Variants in DIP2C observed in about 807,000 individuals in gnomAD.
DIP2C encodes the protein disco-interacting protein 2 homolog C.
In DIP2C, 33 loss-of-function variants were observed where a neutral mutation model predicts 192.4. The observed-to-expected ratio is 0.17, with a 90% CI of 0.13 to 0.23. The LOEUF (loss-of-function observed/expected upper bound fraction) is 0.23, where lower values mean the gene tolerates loss of function less well. DIP2C is among the 10% of genes least tolerant of loss of function. The pLI is 1.00. For synonymous variants in DIP2C, 979 were observed against 864.1 expected (o/e 1.13, Z -2.33); for missense variants, 1,537 against 2,110.1 (o/e 0.73, Z 5.32).
intron 1 of DIP2C, among the ~76,000 whole-genome samples, chr10:496,127 C>CT (rs1293285503): frequency 5.1e-5 from 7 of 137,264 alleles, no homozygotes; most frequent in African/African-American, 1.9e-4. Context: ...CTCTACATTA[C>CT]TCTCAATACC....
chr10:396,474 A>C (rs1963994213), intron 10 of DIP2C, among the ~76,000 whole-genome samples: 1 of 152,204 alleles, frequency 6.6e-6, no homozygotes, highest in Non-Finnish European at 1.5e-5. Context: ...TGTTACGAAT[A>C]ACAATGATAA....
chr10:649,196 C>G (rs557133405), intron 1 of DIP2C, among the ~76,000 whole-genome samples: 2 of 123,936 alleles, frequency 1.6e-5, no homozygotes, highest in East Asian at 2.5e-4. Flanking sequence ...CCACATTTGA[C>G]GGTGGGAGAG....
chr10:495,760 G>T (rs985448386), intron 1 of DIP2C, among the ~76,000 whole-genome samples: 6 of 149,362 alleles, frequency 4.0e-5, no homozygotes, highest in African/African-American at 1.2e-4. Flanking sequence ...ACCCCAATGT[G>T]ACTGCTGAGT....
chr10:327,063 G>T lies in DIP2C; in HGVS notation c.3867C>A (p.His1289Gln). ...CGAACGAGGTGCTGACGGCCCGCGGGTGAAGGCCCAGGTCCTTAAACAGCT... is the reference window on the plus strand; with the variant it reads ...CGAACGAGGTGCTGACGGCCCGCGGTTGAAGGCCCAGGTCCTTAAACAGCT... ...FSKLFKDLGL[H>Q]PRAVSTSFGC... The change falls in exon 31 of 37, where the codon CAC becomes CAA. Residue 1289 changes from histidine to glutamine, a missense_variant. Physicochemically the swap from His to Gln is conservative, Grantham distance 24. This residue lies in a region of DIP2C where 341 missense variants were observed against 551.7 expected (regional missense o/e 0.62). Transcript: ENST00000280886. 6.2e-7 allele frequency: 1 copy of T among 1,614,220 alleles called. No individual in the cohort carries two copies. The highest frequency in any genetic ancestry group is 8.5e-7 in the Non-Finnish European group (1 of 1,180,042).
At chr10:535,237 TGAGCTG>T (rs1180691143) in intron 1 of DIP2C, among the ~76,000 whole-genome samples, 1 of 152,078 alleles carries the variant, frequency 6.6e-6, no homozygotes, top group African/African-American at 2.4e-5. Context: ...AGGCGTGGGC[TGAGCTG>T]GAGCTGAACT....
chr10:430,100 G>A (rs1242048703), intron 4 of DIP2C: 2 of 152,192 alleles, frequency 1.3e-5, no homozygotes, highest in African/African-American at 4.8e-5. Context: ...GTATAGTGGT[G>A]TCTTACTGTT....
chr10:617,257 TGGG>T (rs1160771233), intron 1 of DIP2C, among the ~76,000 whole-genome samples: 1 of 141,684 alleles, frequency 7.1e-6, no homozygotes, highest in African/African-American at 2.6e-5. Context: ...TCTACAAACT[TGGG>T]GGACTGCAAA....
intron 2 of DIP2C, chr10:484,810 C>T: frequency 6.2e-7 from 1 of 1,611,468 alleles, no homozygotes; most frequent in Non-Finnish European, 8.5e-7. Flanking sequence ...AGGCCGGTTC[C>T]CTGCGGTGCT....
At position 366,326 on chromosome 10, in the gene DIP2C, C is replaced by T. The variant is rs756845585; in HGVS notation, c.2217G>A (p.Ala739=). ...EIGELCVCAV[A]TGTSYYGLSG... ...AGAGGCCATAGTAGGACGTGCCCGT[C>T]GCAACTGCACACACACACAGCTCCC... is the stretch of plus-strand genomic sequence containing the variant. Residue 739 remains alanine (A), a synonymous_variant, in exon 19 of 37, where the codon GCG becomes GCA. Coordinates refer to ENST00000280886, the MANE Select transcript of DIP2C (RefSeq NM_014974.3). The T allele has an allele frequency of 3.2e-5, 51 of 1,613,946 alleles. No individual in the cohort carries two copies. The highest frequency in any genetic ancestry group is 1.6e-4 in the Middle Eastern group (1 of 6,084).
intron 1 of DIP2C, among the ~76,000 whole-genome samples, chr10:557,208 G>A (rs538161003): frequency 3.9e-5 from 6 of 152,338 alleles, no homozygotes; most frequent in African/African-American, 1.4e-4. Flanking sequence ...CCGGTGTGGA[G>A]GACCAGGCCT....
At chr10:471,977 G>A (rs886838976) in intron 3 of DIP2C, among the ~76,000 whole-genome samples, 2 of 152,058 alleles carry the variant, frequency 1.3e-5, no homozygotes, top group African/African-American at 4.8e-5. Context: ...AGGTGGCACT[G>A]GCAACTCAGT....
At chr10:507,662 A>G (rs1845709855) in intron 1 of DIP2C, among the ~76,000 whole-genome samples, 1 of 152,200 alleles carries the variant, frequency 6.6e-6, no homozygotes, top group Non-Finnish European at 1.5e-5. Context: ...ATTTCCCAAA[A>G]GCTCGTCCGT....
At chr10:278,063 C>T (rs951413971) in intron 36 of DIP2C, among the ~76,000 whole-genome samples, 8 of 148,738 alleles carry the variant, frequency 5.4e-5, no homozygotes, top group Admixed American at 2.0e-4. Flanking sequence ...TCTGTCTGTG[C>T]GGTGGCCCCG....
intron 14 of DIP2C, among the ~76,000 whole-genome samples, chr10:385,552 G>A (rs138348531): frequency 1.7e-4 from 26 of 152,234 alleles, no homozygotes; most frequent in African/African-American, 5.5e-4. Flanking sequence ...GCTCTGAATC[G>A]CAGGGCTAGG....
At chr10:335,180 G>A (rs1358658059) in intron 29 of DIP2C, among the ~76,000 whole-genome samples, 2 of 152,132 alleles carry the variant, frequency 1.3e-5, no homozygotes, top group African/African-American at 2.4e-5. Context: ...TATGACAGAA[G>A]AAAGCTTTAG....
chr10:320,722 C>A (rs1025691871), intron 31 of DIP2C, among the ~76,000 whole-genome samples: 1 of 152,112 alleles, frequency 6.6e-6, no homozygotes, highest in Non-Finnish European at 1.5e-5. Context: ...AGTTCAAGAC[C>A]AGCCTAGGCA....
intron 1 of DIP2C, chr10:650,098 C>T (rs1855758909): frequency 1.4e-6 from 1 of 716,762 alleles, no homozygotes; most frequent in East Asian, 2.7e-5. Flanking sequence ...TAGCTTGACA[C>T]CTCCTGCGGC....
chr10:382,910 G>A, intron 16 of DIP2C, 149 bp from the exon 17 acceptor site: 1 of 509,258 alleles, frequency 2.0e-6, no homozygotes, highest in Non-Finnish European at 3.4e-6. Flanking sequence ...TATTATTTAT[G>A]TTACACTGAA....
At chr10:313,660 T>G (rs1179018013) in intron 31 of DIP2C, among the ~76,000 whole-genome samples, 1 of 152,252 alleles carries the variant, frequency 6.6e-6, no homozygotes, top group East Asian at 1.9e-4. Flanking sequence ...GACCTGAGCA[T>G]CTGCAGACTT....
Sources: allele counts gnomAD v4.1 joint callset (sites outside exome capture counted in the v4.1 genomes callset), GRCh38; gene constraint gnomAD v4.1.1; regional missense constraint gnomAD v4.1.1; transcripts MANE v1.5; gene names NCBI Gene and HGNC (gene_info 2026-07-23, HGNC 2026-07-21).